WWOX: variants seen among roughly 807,000 people sequenced by gnomAD.
The protein encoded by WWOX is WW domain containing oxidoreductase.
Under a neutral mutation model 46.2 loss-of-function variants are expected in WWOX, and 69 were observed. That is an observed-to-expected ratio of 1.49 (90% confidence interval 1.23 to 1.82). WWOX has a LOEUF of 1.82. Among genes scored for constraint, WWOX ranks in the 40% most tolerant of loss-of-function variants. The pLI, the probability that WWOX is intolerant of heterozygous loss-of-function variation, is 0.00. For missense variants in WWOX, 919 were observed against 542.6 expected, an observed-to-expected ratio of 1.69 and a Z score of -6.89; for synonymous variants, 359 against 202.6, an observed-to-expected ratio of 1.77 and a Z score of -6.56.
chr16:78,209,254 A>C (rs983159318), intron 5 of WWOX, among the ~76,000 whole-genome samples: 6 of 152,184 alleles, frequency 3.9e-5, no homozygotes, highest in Non-Finnish European at 8.8e-5. Context: ...CTCAGCAAGG[A>C]GCTCTGCAGC....
At chr16:78,956,960 G>C (rs779200231) in intron 8 of WWOX, among the ~76,000 whole-genome samples, 1 of 152,186 alleles carries the variant, frequency 6.6e-6, no homozygotes, top group Non-Finnish European at 1.5e-5. Flanking sequence ...GTCCCTCCCA[G>C]TACGTGGGTA....
chr16:78,836,388 G>T (rs1310515734), intron 8 of WWOX, among the ~76,000 whole-genome samples: 1 of 152,170 alleles, frequency 6.6e-6, no homozygotes, highest in East Asian at 1.9e-4. Context: ...GATTTCGGCA[G>T]TGGTTTCCCT....
At chr16:79,138,896 G>A (rs2050034084) in intron 8 of WWOX, among the ~76,000 whole-genome samples, 1 of 152,186 alleles carries the variant, frequency 6.6e-6, no homozygotes, top group Non-Finnish European at 1.5e-5. Flanking sequence ...AGAGAGCACA[G>A]CAGGCTGGAT....
rs1482217184 is a variant in WWOX at position 78,796,032 on chromosome 16, CA to C, written c.1056+363282del. ...TAAGACCCACTAAGGAAGTTTGTGGCAATATTTGCTCAAAGACAGTATATAT... is the reference window on the plus strand; with the variant it reads ...TAAGACCCACTAAGGAAGTTTGTGGCATATTTGCTCAAAGACAGTATATAT... On this transcript the variant is annotated intron_variant, in intron 8 of 8. Coordinates refer to ENST00000566780, the MANE Select transcript of WWOX (RefSeq NM_016373.4). 5.1e-3 allele frequency among the ~76,000 whole-genome samples: 782 copies of C among 152,142 alleles called. 12 individuals carry two copies. Among genetic ancestry groups the C allele is most frequent in the African/African-American group, 0.018 (749 of 41,524 alleles).
At position 78,422,730 on chromosome 16, in the gene WWOX, T is replaced by TAC. The variant is rs1273303713; in HGVS notation, c.606-2132_606-2131dup. On this transcript the variant is annotated intron_variant, in intron 6 of 8. Transcript: ENST00000566780. ...ATATATACACACACACATATATATA[T>TAC]ACACACACATATATATACACATATA... 2.4e-4 allele frequency among the ~76,000 whole-genome samples: 22 copies of TAC among 92,962 alleles called. 4 individuals carry two copies. The highest frequency in any genetic ancestry group is 1.2e-3 in the African/African-American group (20 of 16,122). The allele number at this position is 92,962 out of a possible 152,430, so 61.0% of individuals were successfully genotyped here.
chr16:78,770,036 C>A (rs573198054), intron 8 of WWOX, among the ~76,000 whole-genome samples: 3 of 150,804 alleles, frequency 2.0e-5, no homozygotes, highest in African/African-American at 7.3e-5. Flanking sequence ...AGAGTGAGAC[C>A]GTGTCTTTAA....
At chr16:78,792,322 C>T (rs574631212) in intron 8 of WWOX, among the ~76,000 whole-genome samples, 30 of 152,150 alleles carry the variant, frequency 2.0e-4, no homozygotes, top group Non-Finnish European at 4.4e-5. Flanking sequence ...CCTTGGATCT[C>T]TCTCCTCTAC....
intron 8 of WWOX, among the ~76,000 whole-genome samples, chr16:78,991,683 G>T (rs902000987): frequency 6.6e-6 from 1 of 150,914 alleles, no homozygotes; most frequent in African/African-American, 2.4e-5. Flanking sequence ...CAGAACCTCA[G>T]TTTCCTTTCC....
intron 8 of WWOX, among the ~76,000 whole-genome samples, chr16:78,634,668 T>C (rs2046521026): frequency 1.3e-5 from 2 of 148,478 alleles, no homozygotes; most frequent in South Asian, 4.2e-4. Flanking sequence ...ATTGCGCCAC[T>C]GCACTCCAGC....
chr16:78,887,077 GGTGTGTGTGTGTGTGTGTGTGTGTGT>G (rs749992495), intron 8 of WWOX, among the ~76,000 whole-genome samples: 4 of 61,310 alleles, frequency 6.5e-5, no homozygotes, highest in Non-Finnish European at 1.6e-4. Context: ...GTGTGTGTGT[GGTGTGTGTGTGTGTGTGTGTGTGTGT>G]GTGTGTGTGT....
chr16:78,464,505 G>T (rs191083288), intron 8 of WWOX, among the ~76,000 whole-genome samples: 1 of 152,120 alleles, frequency 6.6e-6, no homozygotes, highest in Non-Finnish European at 1.5e-5. Flanking sequence ...GATTTCTTGG[G>T]TGCTTACCAT....
intron 8 of WWOX, among the ~76,000 whole-genome samples, chr16:78,466,730 C>A (rs1350390301): frequency 1.3e-5 from 2 of 152,118 alleles, no homozygotes; most frequent in African/African-American, 4.8e-5. Flanking sequence ...TTTCTGTAAT[C>A]CCAGCTACTT....
chr16:78,935,363 A>G (rs747501862), intron 8 of WWOX, among the ~76,000 whole-genome samples: 2 of 152,234 alleles, frequency 1.3e-5, no homozygotes, highest in Non-Finnish European at 2.9e-5. Flanking sequence ...TCAGATGTTC[A>G]TCAATGATAG....
At chr16:78,239,354 C>T (rs79437435) in intron 5 of WWOX, among the ~76,000 whole-genome samples, 2,579 of 152,194 alleles carry the variant, frequency 0.017, 75 homozygotes, top group African/African-American at 0.058. Flanking sequence ...CTCCCATCCC[C>T]GTGAGGAAGG....
At chr16:78,934,246 G>T (rs1038246829) in intron 8 of WWOX, among the ~76,000 whole-genome samples, 2 of 148,818 alleles carry the variant, frequency 1.3e-5, no homozygotes, top group Non-Finnish European at 3.0e-5. Context: ...GCTGAGGCAG[G>T]AGAATGGCGT....
chr16:78,469,765 C>T (rs1230854695), intron 8 of WWOX, among the ~76,000 whole-genome samples: 4 of 152,154 alleles, frequency 2.6e-5, no homozygotes, highest in Non-Finnish European at 4.4e-5. Context: ...GGCATATTTT[C>T]CCTGTTTCCC....
intron 1 of WWOX, among the ~76,000 whole-genome samples, chr16:78,106,481 A>C (rs1250074627): frequency 7.3e-6 from 1 of 137,790 alleles, no homozygotes; most frequent in Non-Finnish European, 1.5e-5. Context: ...GGAGTGCACG[A>C]TCTCAGCTCA....
chr16:78,454,999 C>T (rs2083782214), intron 8 of WWOX, among the ~76,000 whole-genome samples: 1 of 152,202 alleles, frequency 6.6e-6, no homozygotes, highest in Non-Finnish European at 1.5e-5. Flanking sequence ...TGACTTAAGG[C>T]ATAGCAAATG....
intron 5 of WWOX, among the ~76,000 whole-genome samples, chr16:78,278,202 AGTGT>A (rs1315889642): frequency 6.6e-6 from 1 of 152,154 alleles, no homozygotes; most frequent in Non-Finnish European, 1.5e-5. Flanking sequence ...AGAGTTTGTG[AGTGT>A]GTGTATGTGT....
Sources: gnomAD v4.1 joint callset for allele counts (sites outside exome capture counted in the v4.1 genomes callset) on GRCh38, gnomAD v4.1.1 for gene constraint, MANE v1.5 for transcripts, NCBI Gene and HGNC (gene_info 2026-07-23, HGNC 2026-07-21) for gene names.